The following CIP2A variants were observed in gnomAD, a reference collection of about 807,000 sequenced individuals.
CIP2A encodes the protein cellular inhibitor of PP2A.
In CIP2A, 103 loss-of-function variants were observed where a neutral mutation model predicts 110.9. That is an observed-to-expected ratio of 0.93 (90% CI 0.79 to 1.09). CIP2A has a LOEUF of 1.09. Among genes scored for constraint, CIP2A ranks in the 50% least tolerant of loss-of-function variants. The pLI, the probability that CIP2A is intolerant of heterozygous loss-of-function variation, is 0.00. For synonymous variants in CIP2A, 381 were observed against 361.6 expected, an observed-to-expected ratio of 1.05 and a Z score of -0.61; for missense variants, 1,088 against 1,038.4, an observed-to-expected ratio of 1.05 and a Z score of -0.66.
intron 1 of CIP2A, among the ~76,000 whole-genome samples, chr3:108,587,858 T>C (rs911729955): frequency 1.3e-5 from 2 of 152,130 alleles, no homozygotes; most frequent in South Asian, 2.1e-4. Context: ...TCTCTACTTA[T>C]GCAACCTCAG....
intron 12 of CIP2A, 89 bp from the exon 13 acceptor site, chr3:108,563,333 T>C: frequency 6.5e-6 from 5 of 768,148 alleles, no homozygotes; most frequent in Non-Finnish European, 2.3e-6. Context: ...TATATGTAAA[T>C]CTTAATTCTA....
At chr3:108,558,358 A>C (rs1937883944) in intron 16 of CIP2A, among the ~76,000 whole-genome samples, 1 of 152,178 alleles carries the variant, frequency 6.6e-6, no homozygotes, top group South Asian at 2.1e-4. Flanking sequence ...AGCCAGGAAC[A>C]CTTTATTATA....
chr3:108,586,883 G>A (rs1559705702), intron 1 of CIP2A, among the ~76,000 whole-genome samples: 1 of 152,112 alleles, frequency 6.6e-6, no homozygotes, highest in African/African-American at 2.4e-5. Flanking sequence ...TAAAAGTGTG[G>A]GAGAAGTACA....
intron 7 of CIP2A, among the ~76,000 whole-genome samples, chr3:108,579,024 TATATTTTG>T (rs1352600771): frequency 6.6e-6 from 1 of 152,168 alleles, no homozygotes; most frequent in African/African-American, 2.4e-5. Flanking sequence ...CCAAGATGTC[TATATTTTG>T]GAGAATGGCA....
chr3:108,553,361 C>CA (rs1027099337), intron 19 of CIP2A, among the ~76,000 whole-genome samples: 6 of 151,756 alleles, frequency 4.0e-5, no homozygotes, highest in Non-Finnish European at 7.4e-5. Flanking sequence ...CTCCTGAGCT[C>CA]AAGCAATCTA....
Position 108,569,595 on chromosome 3 carries a change from G to A in CIP2A, c.907C>T (p.Leu303Phe). 1 of 1,611,690 alleles carries A rather than the reference G, an allele frequency of 6.2e-7. No homozygotes were observed. Among genetic ancestry groups the A allele is most frequent in the African/African-American group, 1.3e-5 (1 of 74,874 alleles). ...PDSSSKVLEL[L>F]LAFCSVTQLR... ...TGAGTCACTGAACAGAAGGCAAGAA[G>A]TAATTCTAAAACCTGTGCAATATAA... The change falls in exon 9 of 21, where the codon CTT becomes TTT. Residue 303 changes from leucine (L) to phenylalanine (F), a missense_variant. Leu to Phe is a conservative substitution (Grantham distance 22). Coordinates refer to ENST00000295746, the MANE Select transcript of CIP2A (RefSeq NM_020890.3).
Position 108,565,421 on chromosome 3 carries a change from A to G in CIP2A, c.1449T>C (p.Leu483=). 1 of 1,597,642 alleles carries G rather than the reference A, an allele frequency of 6.3e-7. No individual in the cohort carries two copies. Among genetic ancestry groups the G allele is most frequent in the Non-Finnish European group, 8.5e-7 (1 of 1,171,720 alleles). The stretch of plus-strand genomic sequence containing the variant: ...ATGGTTTAAGTTTGTTAATCAAATC[A>G]AGAGTTTTCAAAATTACATCAGCAG... ...KLAADVILKT[L]DLINKLKPLV... Residue 483 remains leucine (L), a synonymous_variant, in exon 12 of 21, where the codon CTT becomes CTC. Transcript: ENST00000295746.
rs1182260659 is a variant in CIP2A, at chr3:108,551,295, C to A, written c.2572G>T (p.Ala858Ser). The change falls in exon 21 of 21, where the codon GCA becomes TCA. Residue 858 changes from alanine to serine, a missense_variant. Transcript: ENST00000295746. ...TCTTCCAAACGACCTTCTAATTGTG[C>A]CTTTTGAACCTCTAGGGAGGAAGCC... ...IKASSLEVQK[A>S]QLEGRLEEKE... is the part of the protein sequence containing the mutation. 1 of 1,610,888 alleles carries A rather than the reference C, an allele frequency of 6.2e-7. No homozygotes were observed. The highest frequency in any genetic ancestry group is 1.1e-5 in the South Asian group (1 of 90,666).
At chr3:108,553,755 GAA>G (rs755406935) in intron 18 of CIP2A, 25 bp from the exon 19 acceptor site, 1 of 1,516,614 alleles carries the variant, frequency 6.6e-7, no homozygotes, top group Non-Finnish European at 9.0e-7. Context: ...AAAAATAGAA[GAA>G]AACATTAATG....
At chr3:108,567,854 T>C (rs141022200) in intron 10 of CIP2A, among the ~76,000 whole-genome samples, 22 of 152,006 alleles carry the variant, frequency 1.4e-4, no homozygotes, top group Non-Finnish European at 2.7e-4. Context: ...AGAATAGTCA[T>C]TTTAGAATTT....
At position 108,563,201 on chromosome 3, in the gene CIP2A, T is replaced by A. The variant is rs548430678; in HGVS notation, c.1559A>T (p.Asp520Val). 4.2e-5 allele frequency: 68 copies of A among 1,612,836 alleles called. No homozygotes were observed. The South Asian group carries it at 7.4e-4, about 17-fold the overall frequency. Reference protein sequence around the residue: ...ITPLAFALTSDNREQVQSGLR... With the variant: ...ITPLAFALTSVNREQVQSGLR... ...TCCAGACTGTACTTGTTCTCTATTA[T>A]CTGACGTTAAAGCAAAAGCCAAAGG... is the stretch of plus-strand genomic sequence containing the variant. Residue 520 changes from aspartate (D) to valine (V), a missense_variant, in exon 13 of 21, where the codon GAT becomes GTT. Asp to Val is a radical substitution (Grantham distance 152). Coordinates refer to ENST00000295746, the MANE Select transcript of CIP2A (RefSeq NM_020890.3).
Position 108,554,420 on chromosome 3 carries a change from C to T in CIP2A, c.2280G>A (p.Glu760=). ...GTGACTCATTCAACTTTTTCACTGT[C>T]TCAATTTGTTTATTCAGAGAATCAC... is the stretch of plus-strand genomic sequence containing the variant. ...ITCDSLNKQI[E]TVKKLNESLK... is the part of the protein sequence containing the mutation. Residue 760 remains glutamate, a synonymous_variant, in exon 18 of 21, where the codon GAG becomes GAA. Transcript: ENST00000295746. 1.9e-6 allele frequency: 3 copies of T among 1,563,620 alleles called. No homozygotes were observed. The highest frequency in any genetic ancestry group is 2.6e-6 in the Non-Finnish European group (3 of 1,139,192).
intron 16 of CIP2A, among the ~76,000 whole-genome samples, chr3:108,559,382 G>A (rs903385149): frequency 7.9e-5 from 12 of 152,108 alleles, no homozygotes; most frequent in Non-Finnish European, 1.5e-4. Flanking sequence ...TTTAAATGGA[G>A]CAACATAGGC....
intron 5 of CIP2A, among the ~76,000 whole-genome samples, chr3:108,580,347 T>A (rs935597438): frequency 1.3e-5 from 2 of 151,540 alleles, no homozygotes; most frequent in African/African-American, 4.8e-5. Flanking sequence ...TTTCTACACA[T>A]GAAACTATGA....
chr3:108,558,048 T>C (rs1428182004), intron 16 of CIP2A, among the ~76,000 whole-genome samples: 1 of 152,172 alleles, frequency 6.6e-6, no homozygotes, highest in East Asian at 1.9e-4. Context: ...TATTTAGTGC[T>C]ATTTTTATAA....
chr3:108,563,425 T>TAC (rs1938076225), intron 12 of CIP2A, among the ~76,000 whole-genome samples, 181 bp from the exon 13 acceptor site: 1 of 152,100 alleles, frequency 6.6e-6, no homozygotes, highest in Non-Finnish European at 1.5e-5. Flanking sequence ...TATAGCTGTT[T>TAC]ACACTGCAAT....
intron 1 of CIP2A, among the ~76,000 whole-genome samples, chr3:108,587,582 T>A (rs1939094352): frequency 6.6e-6 from 1 of 152,210 alleles, no homozygotes; most frequent in South Asian, 2.1e-4. Flanking sequence ...TTAAAAACTA[T>A]CAAACTCTTC....
At chr3:108,576,552 T>C (rs896815166) in intron 7 of CIP2A, among the ~76,000 whole-genome samples, 35 of 152,202 alleles carry the variant, frequency 2.3e-4, no homozygotes, top group Admixed American at 9.2e-4. Context: ...CTGTGTCATT[T>C]ATTAAAACAT....
At position 108,561,243 on chromosome 3, in the gene CIP2A, A is replaced by G. The variant is rs561605887; in HGVS notation, c.1635-402T>C. Among the ~76,000 whole-genome samples, 203 of 152,156 alleles carry G rather than the reference A, an allele frequency of 1.3e-3. 1 individual carries two copies. The Middle Eastern group carries it at 0.014, about 10-fold the overall frequency. ...TTTCACCAACCTGACTTCCATTCTA[A>G]CCCTTTAAAATCCTCTCTTTCTCCT... On this transcript the variant is annotated intron_variant, in intron 13 of 20. Transcript: ENST00000295746.
Sources: gnomAD v4.1 joint callset for allele counts (sites outside exome capture counted in the v4.1 genomes callset) on GRCh38, gnomAD v4.1.1 for gene constraint, MANE v1.5 for transcripts, NCBI Gene and HGNC (gene_info 2026-07-23, HGNC 2026-07-21) for gene names.